The following PLCE1 variants were observed in gnomAD, a reference collection of about 807,000 sequenced individuals.
The protein encoded by PLCE1 is phospholipase C epsilon 1, also known as 1-phosphatidylinositol 4,5-bisphosphate phosphodiesterase epsilon-1.
In PLCE1, 119 loss-of-function variants were observed where a neutral mutation model predicts 242.8. The observed-to-expected ratio is 0.49, with a 90% CI of 0.42 to 0.57. The LOEUF (loss-of-function observed/expected upper bound fraction) is 0.57, where lower values mean the gene tolerates loss of function less well. PLCE1 is among the 20% of genes least tolerant of loss of function. The pLI is 0.00. For synonymous variants in PLCE1, 945 were observed against 1,017.4 expected, an observed-to-expected ratio of 0.93 and a Z score of 1.35; for missense variants, 2,441 against 2,788.8, an observed-to-expected ratio of 0.88 and a Z score of 2.81.
intron 3 of PLCE1, among the ~76,000 whole-genome samples, chr10:94,137,124 C>A (rs909397233): frequency 6.6e-6 from 1 of 152,040 alleles, no homozygotes; most frequent in Non-Finnish European, 1.5e-5. Flanking sequence ...ACCCGGGAGG[C>A]AGAGCTTGCA....
At chr10:94,251,257 A>G (rs1240634033) in intron 8 of PLCE1, among the ~76,000 whole-genome samples, 1 of 152,222 alleles carries the variant, frequency 6.6e-6, no homozygotes, top group Non-Finnish European at 1.5e-5. Context: ...CAAGTTATTC[A>G]GCATCCTGGG....
At chr10:94,089,090 G>A in intron 2 of PLCE1, 1 of 1,613,452 alleles carries the variant, frequency 6.2e-7, no homozygotes, top group Non-Finnish European at 8.5e-7. Context: ...GGGTCGTGGT[G>A]ATTAATGGTT....
intron 14 of PLCE1, 31 bp from the exon 15 acceptor site, chr10:94,265,616 A>G (rs1440806568): frequency 1.3e-6 from 2 of 1,597,486 alleles, no homozygotes; most frequent in Admixed American, 3.3e-5. Context: ...TCCTTAACCT[A>G]AATAACACTT....
At chr10:94,101,021 G>A (rs1329723591) in intron 2 of PLCE1, among the ~76,000 whole-genome samples, 1 of 152,154 alleles carries the variant, frequency 6.6e-6, no homozygotes, top group Admixed American at 6.5e-5. Flanking sequence ...GTCCATGATG[G>A]ATTTGGGACC....
At chr10:94,040,224 G>A (rs2061738744) in intron 2 of PLCE1, among the ~76,000 whole-genome samples, 1 of 152,156 alleles carries the variant, frequency 6.6e-6, no homozygotes, top group Non-Finnish European at 1.5e-5. Flanking sequence ...CGAAAGTACT[G>A]GGATTACAGG....
chr10:93,998,601 A>T (rs2134155328), intron 1 of PLCE1, among the ~76,000 whole-genome samples: 1 of 152,298 alleles, frequency 6.6e-6, no homozygotes, highest in South Asian at 2.1e-4. Context: ...CCAAAGTGAG[A>T]TGGTTCACCT....
At chr10:94,279,445 A>C (rs1465233820) in intron 19 of PLCE1, 1 of 349,260 alleles carries the variant, frequency 2.9e-6, no homozygotes, top group Non-Finnish European at 5.3e-6. Flanking sequence ...TGGGTGATTC[A>C]CTTCTTCAGT....
At chr10:94,143,411 A>G (rs868688251) in intron 3 of PLCE1, among the ~76,000 whole-genome samples, 10 of 152,178 alleles carry the variant, frequency 6.6e-5, no homozygotes, top group African/African-American at 2.2e-4. Context: ...AATACATGAC[A>G]CTTCTACTTT....
chr10:94,210,912 C>G (rs1394398578), intron 4 of PLCE1, among the ~76,000 whole-genome samples: 1 of 152,242 alleles, frequency 6.6e-6, no homozygotes, highest in Non-Finnish European at 1.5e-5. Context: ...AATCTCTATT[C>G]TCCTCTGCCC....
chr10:94,110,622 ATGT>A (rs888995848), intron 2 of PLCE1, among the ~76,000 whole-genome samples: 6 of 152,226 alleles, frequency 3.9e-5, no homozygotes, highest in African/African-American at 1.2e-4. Flanking sequence ...CAGATTATAA[ATGT>A]TGTGTAATAT....
Position 94,273,731 on chromosome 10 carries a change from C to T in PLCE1, c.4665+11C>T. 1 of 1,612,468 alleles carries T rather than the reference C, an allele frequency of 6.2e-7. No homozygotes were observed. The highest frequency in any genetic ancestry group is 1.7e-5 in the Admixed American group (1 of 60,020). ...ATCTTAAAGCAAAAGGTACTCCCCT[C>T]TGTTAAACCAGTTATGAAAAGGCAG... On this transcript the variant is annotated intron_variant, in intron 19 of 32. Transcript: ENST00000371380.
At chr10:94,121,668 G>A (rs1466647393) in intron 2 of PLCE1, among the ~76,000 whole-genome samples, 1 of 152,152 alleles carries the variant, frequency 6.6e-6, no homozygotes, top group African/African-American at 2.4e-5. Context: ...CTGGATGGTG[G>A]CACTAAGTAC....
chr10:94,058,889 A>G (rs758065123), intron 2 of PLCE1, among the ~76,000 whole-genome samples: 1 of 152,230 alleles, frequency 6.6e-6, no homozygotes, highest in Non-Finnish European at 1.5e-5. Flanking sequence ...ACCAAAAAAT[A>G]AAAATCACCT....
intron 3 of PLCE1, among the ~76,000 whole-genome samples, chr10:94,158,879 G>T (rs1270004401): frequency 9.8e-6 from 1 of 102,068 alleles, no homozygotes; most frequent in Admixed American, 1.4e-4. Flanking sequence ...TTTTTGAGAC[G>T]GAGTTTCGCT....
intron 2 of PLCE1, among the ~76,000 whole-genome samples, chr10:94,111,486 G>C (rs550526785): frequency 6.6e-6 from 1 of 152,326 alleles, no homozygotes; most frequent in Admixed American, 6.5e-5. Flanking sequence ...TCCTGACAGG[G>C]AACAGGATTG....
At chr10:94,111,895 G>T (rs959662252) in intron 2 of PLCE1, among the ~76,000 whole-genome samples, 7 of 152,188 alleles carry the variant, frequency 4.6e-5, no homozygotes, top group Non-Finnish European at 5.9e-5. Flanking sequence ...GTTTATGGCT[G>T]TCGCAGTTTT....
chr10:94,215,590 G>A (rs1358559823), intron 4 of PLCE1, among the ~76,000 whole-genome samples: 1 of 152,158 alleles, frequency 6.6e-6, no homozygotes, highest in African/African-American at 2.4e-5. Flanking sequence ...AGGAGTTAAG[G>A]ACTGGAAACA....
intron 2 of PLCE1, among the ~76,000 whole-genome samples, chr10:94,106,912 T>TTCTCTTTC (rs1392359262): frequency 5.7e-4 from 22 of 38,770 alleles, no homozygotes; most frequent in Non-Finnish European, 8.9e-4. Context: ...TGTCTCTTGT[T>TTCTCTTTC]TCTCTCTCTC....
chr10:94,110,429 A>C (rs2045920340), intron 2 of PLCE1, among the ~76,000 whole-genome samples: 1 of 152,184 alleles, frequency 6.6e-6, no homozygotes, highest in African/African-American at 2.4e-5. Context: ...TTATGCACAA[A>C]TATGTGTATC....
Sources: gnomAD v4.1 joint callset for allele counts (sites outside exome capture counted in the v4.1 genomes callset) on GRCh38, gnomAD v4.1.1 for gene constraint, MANE v1.5 for transcripts, NCBI Gene and HGNC (gene_info 2026-07-23, HGNC 2026-07-21) for gene names.